The following MALT1 variants were observed in gnomAD, a reference collection of about 807,000 sequenced individuals.
MALT1 encodes MALT1 paracaspase, also known as mucosa-associated lymphoid tissue lymphoma translocation protein 1.
MALT1 carries 36 observed loss-of-function variants against 85.5 expected under a neutral mutation model. The observed-to-expected ratio is 0.42, with a 90% CI of 0.32 to 0.56. MALT1 has a LOEUF of 0.56. Ranked by LOEUF, MALT1 falls within the 20% of genes least tolerant of loss-of-function variation. MALT1 has a pLI of 0.10. For synonymous variants in MALT1, 359 were observed against 361.3 expected, an observed-to-expected ratio of 0.99 and a Z score of 0.07; for missense variants, 716 against 981.6, an observed-to-expected ratio of 0.73 and a Z score of 3.62.
rs2144484602 is a variant in MALT1, at chr18:58,741,870, GGTAA to G, written c.1612_1615del (p.Lys538ValfsTer10). The G allele has an allele frequency of 6.7e-7, 1 of 1,501,320 alleles. No homozygotes were observed. Among genetic ancestry groups the G allele is most frequent in the Non-Finnish European group, 9.1e-7 (1 of 1,103,912 alleles). The allele number at this position is 1,501,320 out of a possible 1,614,324, so 93.0% of individuals were successfully genotyped here. A position where few individuals can be genotyped will look rare whatever the true frequency, so the allele number is the denominator to read the frequency against. On this transcript the variant is annotated frameshift_variant, in exon 14 of 17. Coordinates refer to ENST00000649217, the MANE Select transcript of MALT1 (RefSeq NM_006785.4). LOFTEE classifies it high-confidence loss of function. ...TTTATTTTCATATCTTTTAGATATG[GGTAA>G]GTGTCACCTTACCAAAGGCAAACAG...
chr18:58,696,584 T>TA, intron 3 of MALT1, 97 bp downstream of exon 3: 1 of 1,018,442 alleles, frequency 9.8e-7, no homozygotes, highest in Non-Finnish European at 1.4e-6. Flanking sequence ...AACAGTTTGG[T>TA]AAAAGAGTCT....
intron 7 of MALT1, among the ~76,000 whole-genome samples, chr18:58,712,003 C>CT (rs1171480894): frequency 6.6e-6 from 1 of 152,274 alleles, no homozygotes; most frequent in East Asian, 1.9e-4. Flanking sequence ...TTGGAAACCT[C>CT]TTAAGAATAA....
chr18:58,752,791 C>CACT lies in MALT1; in HGVS notation c.*4949_*4950insACT. 2.0e-5 allele frequency: 3 copies of CACT among 152,254 alleles called. 1 individual carries two copies. The highest frequency in any genetic ancestry group is 2.0e-4 in the Admixed American group (3 of 15,296). 9.4% of individuals were successfully genotyped at this position (152,254 alleles called of 1,614,324 possible). Reference sequence around the variant, plus strand: ...CTCCAGCCTGGACGACAGGGCAAGACGCTGTCTCAAAAATAAAATATTAGT... The same window carrying CACT: ...CTCCAGCCTGGACGACAGGGCAAGACACTGCTGTCTCAAAAATAAAATATTAGT... On this transcript the variant is annotated 3_prime_UTR_variant, in exon 17 of 17. Transcript: ENST00000649217.
intron 10 of MALT1, among the ~76,000 whole-genome samples, chr18:58,727,614 G>GTTTTTTTT (rs1602327763): frequency 1.8e-5 from 2 of 110,486 alleles, no homozygotes; most frequent in African/African-American, 8.8e-5. Flanking sequence ...AAGGTTTTTT[G>GTTTTTTTT]TGTTTTTTTT....
At chr18:58,724,000 C>A (rs1203185052) in intron 10 of MALT1, among the ~76,000 whole-genome samples, 4 of 152,184 alleles carry the variant, frequency 2.6e-5, no homozygotes, top group Non-Finnish European at 5.9e-5. Context: ...GATTGTGCTT[C>A]CATGACATTG....
Position 58,749,143 on chromosome 18 carries a change from C to T in MALT1, c.*1301C>T, listed in dbSNP as rs1471065810. 2 of 217,748 alleles carry T rather than the reference C, an allele frequency of 9.2e-6. No individual in the cohort carries two copies. Among genetic ancestry groups the T allele is most frequent in the African/African-American group, 2.2e-5 (1 of 44,474 alleles). 13.5% of individuals were successfully genotyped at this position (217,748 alleles called of 1,614,324 possible). A position where few individuals can be genotyped will look rare whatever the true frequency, so the allele number is the denominator to read the frequency against. On this transcript the variant is annotated 3_prime_UTR_variant, in exon 17 of 17. Transcript: ENST00000649217. ...AATAAGCTAATATACAGTCAGTTCT[C>T]ATTATTCACAGTAATTATGTTCTAC...
intron 1 of MALT1, among the ~76,000 whole-genome samples, chr18:58,673,244 C>G (rs573419440): frequency 5.1e-4 from 77 of 152,110 alleles, no homozygotes; most frequent in African/African-American, 1.8e-3. Flanking sequence ...AGATAAAAAA[C>G]TAACAAATAT....
chr18:58,747,454 A>G lies in MALT1; in HGVS notation c.2087A>G (p.Glu696Gly). ...VCLSYQYSGL[E>G]DTVEDKQEVN... ...TTATCATATCAGTACTCAGGATTGG[A>G]AGATACTGTAGAGGACAAGCAGGAA... Residue 696 changes from glutamate (E) to glycine (G), a missense_variant, in exon 17 of 17, where the codon GAA becomes GGA. Physicochemically the swap from Glu to Gly is moderately conservative, Grantham distance 98. Transcript: ENST00000649217. 6.2e-7 allele frequency: 1 copy of G among 1,613,912 alleles called. No homozygotes were observed. The highest frequency in any genetic ancestry group is 8.5e-7 in the Non-Finnish European group (1 of 1,179,816).
At chr18:58,690,721 CT>C in intron 2 of MALT1, 1 of 203,102 alleles carries the variant, frequency 4.9e-6, no homozygotes. Flanking sequence ...CCTGCTATGT[CT>C]TTCACCAGCG....
intron 3 of MALT1, among the ~76,000 whole-genome samples, 153 bp from the exon 4 acceptor site, chr18:58,700,288 G>A (rs996355487): frequency 1.3e-5 from 2 of 152,190 alleles, no homozygotes; most frequent in Non-Finnish European, 2.9e-5. Context: ...ATAACTCAAA[G>A]CGTTACTGTT....
In MALT1 at chr18:58,671,851, A is replaced by G; in HGVS notation, c.208A>G (p.Ser70Gly). 3 of 1,222,952 alleles carry G rather than the reference A, an allele frequency of 2.5e-6. No individual in the cohort carries two copies. The highest frequency in any genetic ancestry group is 3.3e-5 in the East Asian group (1 of 30,360). The allele number at this position is 1,222,952 out of a possible 1,614,324, so 75.8% of individuals were successfully genotyped here. ...GGGGAGTCGCGGGCGCCTCCGCCTC[A>G]GGTGAGCTCAGGGCCGCGGCAGGCC... is the stretch of plus-strand genomic sequence containing the variant. ...LAGSRGRLRL[S>G]CLDLEQCSLK... The change falls in exon 1 of 17, where the codon AGT (serine) becomes GGT (glycine). Residue 70 changes from serine (S) to glycine (G), a missense_variant and splice_region_variant. Coordinates refer to ENST00000649217, the MANE Select transcript of MALT1 (RefSeq NM_006785.4).
chr18:58,745,886 A>G, intron 16 of MALT1, 95 bp downstream of exon 16: 3 of 1,155,034 alleles, frequency 2.6e-6, no homozygotes, highest in African/African-American at 1.5e-5. Context: ...CCTTATTATT[A>G]AAGTAGAGAT....
At chr18:58,689,966 C>T (rs957229352) in intron 2 of MALT1, among the ~76,000 whole-genome samples, 5 of 152,112 alleles carry the variant, frequency 3.3e-5, no homozygotes, top group African/African-American at 9.7e-5. Flanking sequence ...AGGAGCAGTT[C>T]GTGGAGGACT....
intron 10 of MALT1, among the ~76,000 whole-genome samples, chr18:58,723,991 A>G (rs553739868): frequency 6.6e-6 from 1 of 152,298 alleles, no homozygotes; most frequent in African/African-American, 2.4e-5. Context: ...GTTTTGCAGG[A>G]TTGTGCTTCC....
chr18:58,729,506 G>GA (rs11355331), intron 10 of MALT1, among the ~76,000 whole-genome samples: 1 of 127,798 alleles, frequency 7.8e-6, no homozygotes, highest in African/African-American at 2.8e-5. Context: ...AAAAAAAAAA[G>GA]AAAAAAAAAA....
intron 4 of MALT1, among the ~76,000 whole-genome samples, chr18:58,702,220 C>CAAA (rs11380709): frequency 0.39 from 44,952 of 114,064 alleles, 10,040 homozygotes; most frequent in Non-Finnish European, 0.52. Flanking sequence ...AAAAAAAATG[C>CAAA]AAAAAAAAAA....
Position 58,749,461 on chromosome 18 carries a change from T to C in MALT1, c.*1619T>C, listed in dbSNP as rs1059442. 37,698 of 215,168 alleles carry C rather than the reference T, an allele frequency of 0.18. 4,536 individuals are homozygous for C. Among genetic ancestry groups the C allele is most frequent in the African/African-American group, 0.36 (16,044 of 44,328 alleles). The allele number at this position is 215,168 out of a possible 1,614,324, so 13.3% of individuals were successfully genotyped here. A position where few individuals can be genotyped will look rare whatever the true frequency, so the allele number is the denominator to read the frequency against. ...GTACTACACAGAATTGCCCCTGCCA[T>C]TTCCACCCTCCAGTCATTTCTCTAT... is the stretch of plus-strand genomic sequence containing the variant. On this transcript the variant is annotated 3_prime_UTR_variant, in exon 17 of 17. Coordinates refer to ENST00000649217, the MANE Select transcript of MALT1 (RefSeq NM_006785.4).
chr18:58,705,308 G>GTGTGTA (rs1555685577), intron 4 of MALT1, among the ~76,000 whole-genome samples: 1 of 149,348 alleles, frequency 6.7e-6, no homozygotes, highest in African/African-American at 2.5e-5. Flanking sequence ...GTGTGTGTGT[G>GTGTGTA]TGTGTGTGTG....
At chr18:58,718,589 G>A (rs930141630) in intron 9 of MALT1, among the ~76,000 whole-genome samples, 3 of 152,120 alleles carry the variant, frequency 2.0e-5, no homozygotes, top group African/African-American at 7.2e-5. Flanking sequence ...CCCTGACACC[G>A]TCCATGGAAA....
Sources: gnomAD v4.1 joint callset for allele counts (sites outside exome capture counted in the v4.1 genomes callset) on GRCh38, gnomAD v4.1.1 for gene constraint, MANE v1.5 for transcripts, NCBI Gene and HGNC (gene_info 2026-07-23, HGNC 2026-07-21) for gene names.